BNIP5: variants seen among roughly 807,000 people sequenced by gnomAD.
The protein encoded by BNIP5 is protein BNIP5.
Under a neutral mutation model 67.3 loss-of-function variants are expected in BNIP5, and 61 were observed. That is an observed-to-expected ratio of 0.91 (90% confidence interval 0.74 to 1.12). The LOEUF (loss-of-function observed/expected upper bound fraction) is 1.12. Ranked by LOEUF, BNIP5 falls within the 50% of genes most tolerant of loss-of-function variation. The probability of loss-of-function intolerance (pLI) is 0.00; values close to 1 mark genes in which losing one functional copy is unlikely to be tolerated. For synonymous variants in BNIP5, 317 were observed against 319.0 expected, an observed-to-expected ratio of 0.99 and a Z score of 0.07; for missense variants, 826 against 816.3, an observed-to-expected ratio of 1.01 and a Z score of -0.14.
At chr6:36,324,993 A>G (rs1002417728) in intron 6 of BNIP5, among the ~76,000 whole-genome samples, 13 of 152,092 alleles carry the variant, frequency 8.5e-5, no homozygotes, top group Non-Finnish European at 1.3e-4. Flanking sequence ...CAAGGTCCAT[A>G]AGATCACCCC....
chr6:36,322,428 C>A lies in BNIP5; in HGVS notation c.1486G>T (p.Glu496Ter), dbSNP rs763748059. 2.5e-6 allele frequency: 4 copies of A among 1,613,790 alleles called. No individual in the cohort carries two copies. Among genetic ancestry groups the A allele is most frequent in the Non-Finnish European group, 3.4e-6 (4 of 1,179,884 alleles). The change falls in exon 9 of 12, where the codon GAG (glutamate) becomes TAG (stop). Residue 496 changes from glutamate to a stop codon, truncating the protein, a stop_gained. Coordinates refer to ENST00000437635, the MANE Select transcript of BNIP5 (RefSeq NM_001010903.5). LOFTEE classifies it high-confidence loss of function. ...TCTGCGGGCAGGGGCTCCCGGCACT[C>A]GAGATCTTCTGGATCTAGGGCAAAA... Reference protein sequence around the residue: ...TSSSLDPEDLECREPLPAEGE... With the variant: ...TSSSLDPEDL
intron 1 of BNIP5, among the ~76,000 whole-genome samples, chr6:36,336,185 T>C (rs1167798610): frequency 6.6e-6 from 1 of 152,206 alleles, no homozygotes; most frequent in African/African-American, 2.4e-5. Context: ...GATTTCCCCA[T>C]TCTTGGACTA....
At chr6:36,330,722 G>GT in intron 1 of BNIP5, 28 bp from the exon 2 acceptor site, 1 of 1,518,780 alleles carries the variant, frequency 6.6e-7, no homozygotes. Flanking sequence ...AGCTCCCTTA[G>GT]TTTTTTTGTT....
intron 1 of BNIP5, among the ~76,000 whole-genome samples, chr6:36,335,127 C>G (rs1771985317): frequency 6.6e-6 from 1 of 152,204 alleles, no homozygotes; most frequent in African/African-American, 2.4e-5. Context: ...AAAGCTGACC[C>G]TGGAACGGGA....
chr6:36,321,347 C>A, intron 9 of BNIP5, 128 bp from the exon 10 acceptor site: 1 of 711,396 alleles, frequency 1.4e-6, no homozygotes, highest in Non-Finnish European at 2.5e-6. Context: ...ACTCAGCACA[C>A]ACGTTAGTTA....
intron 2 of BNIP5, among the ~76,000 whole-genome samples, chr6:36,329,456 G>A (rs11752515): frequency 0.28 from 43,326 of 152,144 alleles, 6,456 homozygotes; most frequent in Non-Finnish European, 0.33. Context: ...GCTTGTGAAC[G>A]GCGGCACTGT....
chr6:36,318,945 C>T (rs974756017), intron 11 of BNIP5, among the ~76,000 whole-genome samples: 4 of 152,142 alleles, frequency 2.6e-5, no homozygotes, highest in African/African-American at 7.2e-5. Context: ...TCAGCCACCC[C>T]TTATTTGATA....
intron 1 of BNIP5, among the ~76,000 whole-genome samples, chr6:36,333,573 C>T (rs888089411): frequency 6.6e-6 from 1 of 152,200 alleles, no homozygotes; most frequent in Non-Finnish European, 1.5e-5. Context: ...AGAAATTATG[C>T]TCAGTGCTAG....
chr6:36,324,329 C>A, intron 6 of BNIP5, 139 bp from the exon 7 acceptor site: 1 of 734,546 alleles, frequency 1.4e-6, no homozygotes, highest in Non-Finnish European at 2.4e-6. Context: ...GGCCTGAGGG[C>A]AGAGCTGGTT....
chr6:36,318,320 G>T (rs946765368), intron 11 of BNIP5, among the ~76,000 whole-genome samples: 1 of 152,136 alleles, frequency 6.6e-6, no homozygotes, highest in Admixed American at 6.5e-5. Flanking sequence ...GTGGATCTGG[G>T]TCAAATGTTT....
chr6:36,328,353 TC>T (rs1771809810), intron 3 of BNIP5, among the ~76,000 whole-genome samples: 1 of 152,238 alleles, frequency 6.6e-6, no homozygotes, highest in Non-Finnish European at 1.5e-5. Context: ...TAAGAAAAGT[TC>T]CGTTTTCATT....
At position 36,319,497 on chromosome 6, in the gene BNIP5, C is replaced by A; in HGVS notation, c.1782G>T (p.Arg594Ser). 6.2e-7 allele frequency: 1 copy of A among 1,614,182 alleles called. No individual in the cohort carries two copies. The highest frequency in any genetic ancestry group is 1.6e-4 in the Middle Eastern group (1 of 6,062). Residue 594 changes from arginine to serine, a missense_variant, in exon 11 of 12, where the codon AGG becomes AGT. Coordinates refer to ENST00000437635, the MANE Select transcript of BNIP5 (RefSeq NM_001010903.5). ...SQVAHSSKLD[R>S]NRARRLYQFD... ...ACTGGTAGAGTCTCCTGGCGCGGTT[C>A]CTGTCCAGCTTAGAGGAGTGAGCCA...
intron 6 of BNIP5, among the ~76,000 whole-genome samples, chr6:36,324,663 C>T (rs1287507869): frequency 1.9e-5 from 2 of 107,012 alleles, no homozygotes; most frequent in African/African-American, 6.8e-5. Context: ...CTAGGCCTGG[C>T]TCTGCCAATG....
At position 36,327,837 on chromosome 6, in the gene BNIP5, CT is replaced by C. The variant is rs35688804; in HGVS notation, c.728-744del. Among the ~76,000 whole-genome samples the C allele has an allele frequency of 6.2e-3, 852 of 137,196 alleles. 5 individuals carry two copies. Among genetic ancestry groups the C allele is most frequent in the East Asian group, 0.041 (192 of 4,706 alleles). The allele number at this position is 137,196 out of a possible 152,430, so 90.0% of individuals were successfully genotyped here. ...TGTTCCCAGGCTGTCTGTGGGTTTG[CT>C]TTTTTTTTTTTTTTTACTCCTAACT... is the stretch of plus-strand genomic sequence containing the variant. On this transcript the variant is annotated intron_variant, in intron 3 of 11. Transcript: ENST00000437635.
rs755321862 is a variant in BNIP5, at chr6:36,330,460, A to G, written c.231T>C (p.Thr77=). Residue 77 remains threonine (T), a synonymous_variant, in exon 2 of 12, where the codon ACT becomes ACC. Transcript: ENST00000437635. ...EAHCTTAAAP[T]PEETGDFLPS... ...GGAGAAAATCTCCGGTCTCCTCGGG[A>G]GTGGGGGCTGCAGCGGTGGTGCAGT... 1.2e-6 allele frequency: 2 copies of G among 1,613,876 alleles called. No individual in the cohort carries two copies. Among genetic ancestry groups the G allele is most frequent in the South Asian group, 2.2e-5 (2 of 91,060 alleles).
At chr6:36,318,784 G>A (rs764201395) in intron 11 of BNIP5, among the ~76,000 whole-genome samples, 2 of 151,988 alleles carry the variant, frequency 1.3e-5, no homozygotes, top group African/African-American at 4.8e-5. Flanking sequence ...TGGGGGAGGC[G>A]AAATTATTAG....
intron 4 of BNIP5, 81 bp downstream of exon 4, chr6:36,326,949 T>G: frequency 6.9e-7 from 1 of 1,454,878 alleles, no homozygotes; most frequent in East Asian, 2.3e-5. Context: ...GAGCCCGGCC[T>G]GCAAGGACAG....
At position 36,328,778 on chromosome 6, in the gene BNIP5, C is replaced by T. The variant is rs1010350020; in HGVS notation, c.611-64G>A. On this transcript the variant is annotated intron_variant, in intron 2 of 11. Transcript: ENST00000437635. The stretch of plus-strand genomic sequence containing the variant: ...TATGTGCGTGTGTCAGTGACATTCT[C>T]CTGACTTTGTTCATCAACACGAGAA... The T allele has an allele frequency of 1.3e-5, 13 of 985,460 alleles. No individual in the cohort carries two copies. In the Admixed American group the frequency reaches 1.7e-4, roughly 13 times the overall value. The allele number at this position is 985,460 out of a possible 1,614,324, so 61.0% of individuals were successfully genotyped here. A position where few individuals can be genotyped will look rare whatever the true frequency, so the allele number is the denominator to read the frequency against.
intron 2 of BNIP5, 59 bp downstream of exon 2, chr6:36,330,022 C>G: frequency 1.3e-6 from 2 of 1,510,238 alleles, no homozygotes; most frequent in Non-Finnish European, 1.8e-6. Context: ...TGGAGAGGCT[C>G]CTGGAGCAAG....
Sources: gnomAD v4.1 joint callset for allele counts (sites outside exome capture counted in the v4.1 genomes callset) on GRCh38, gnomAD v4.1.1 for gene constraint, MANE v1.5 for transcripts, NCBI Gene and HGNC (gene_info 2026-07-23, HGNC 2026-07-21) for gene names.